Variants in CPEB2 observed in about 807,000 individuals in gnomAD.
The protein encoded by CPEB2 is cytoplasmic polyadenylation element binding protein 2, also known as cytoplasmic polyadenylation element-binding protein 2.
A neutral mutation model predicts 93.6 loss-of-function variants in CPEB2; 56 were observed. The observed-to-expected ratio is 0.60, with a 90% confidence interval of 0.48 to 0.75. The LOEUF (loss-of-function observed/expected upper bound fraction) is 0.75, where lower values mean the gene tolerates loss of function less well. Among genes scored for constraint, CPEB2 ranks in the 30% least tolerant of loss-of-function variants. CPEB2 has a pLI of 0.00. For missense variants in CPEB2, 1,579 were observed against 1,395.1 expected, an observed-to-expected ratio of 1.13 and a Z score of -2.10; for synonymous variants, 764 against 586.3, an observed-to-expected ratio of 1.30 and a Z score of -4.38.
chr4:15,032,097 A>T (rs910952254), intron 4 of CPEB2, among the ~76,000 whole-genome samples: 18 of 152,034 alleles, frequency 1.2e-4, no homozygotes, highest in South Asian at 2.1e-4. Context: ...AGTTAAAAAA[A>T]TTTTTTTTCA....
intron 10 of CPEB2, among the ~76,000 whole-genome samples, chr4:15,059,948 T>C (rs1020171353): frequency 6.6e-6 from 1 of 152,178 alleles, no homozygotes; most frequent in Non-Finnish European, 1.5e-5. Flanking sequence ...TAGAATATGA[T>C]GACTTCTACA....
intron 10 of CPEB2, among the ~76,000 whole-genome samples, chr4:15,061,244 T>A (rs1007790154): frequency 6.6e-6 from 1 of 152,020 alleles, no homozygotes; most frequent in Non-Finnish European, 1.5e-5. Flanking sequence ...TGATACAGGA[T>A]GAAGGTACCA....
intron 11 of CPEB2, 105 bp from the exon 12 acceptor site, chr4:15,066,048 C>A: frequency 1.0e-6 from 1 of 955,328 alleles, no homozygotes; most frequent in Non-Finnish European, 1.6e-6. Flanking sequence ...ATTTCCTCAG[C>A]TTTTAATGCT....
chr4:15,022,944 C>G (rs1724970070), intron 4 of CPEB2, among the ~76,000 whole-genome samples: 1 of 151,960 alleles, frequency 6.6e-6, no homozygotes, highest in Non-Finnish European at 1.5e-5. Context: ...TTCCTTTTTA[C>G]ATAGTTGCCT....
chr4:15,054,721 T>A (rs977647993), intron 8 of CPEB2, among the ~76,000 whole-genome samples: 1 of 152,112 alleles, frequency 6.6e-6, no homozygotes, highest in African/African-American at 2.4e-5. Flanking sequence ...GAATTACAAA[T>A]TGTGCTAACC....
chr4:15,058,626 A>G lies in CPEB2; in HGVS notation c.2580+87A>G, dbSNP rs116356542. ...ATGATTGTTAATTAATAAAAGAACA[A>G]TTAAACTACCATGTTGAGTTTTAGT... On this transcript the variant is annotated intron_variant, in intron 9 of 11. Transcript: ENST00000538197. 3.5e-3 allele frequency: 2,695 copies of G among 765,076 alleles called. 54 individuals carry two copies. In the African/African-American group the frequency reaches 0.042, roughly 12 times the overall value. The allele number at this position is 765,076 out of a possible 1,614,324, so 47.4% of individuals were successfully genotyped here.
At chr4:15,007,207 T>A in intron 1 of CPEB2, 98 bp from the exon 2 acceptor site, 1 of 1,012,258 alleles carries the variant, frequency 9.9e-7, no homozygotes, top group East Asian at 2.8e-5. Context: ...TGCCTTTATA[T>A]ATTTCATTCA....
chr4:15,019,628 C>G (rs1724595357), intron 4 of CPEB2, among the ~76,000 whole-genome samples: 1 of 151,916 alleles, frequency 6.6e-6, no homozygotes, highest in South Asian at 2.1e-4. Flanking sequence ...TGATTTTCCC[C>G]TAGAAAACAA....
Position 15,008,358 on chromosome 4 carries a change from GC to G in CPEB2, c.1967del (p.Pro656GlnfsTer21). The part of the protein sequence containing the change: ...PLQVRSSLQL[P>X]AWGSDSLQDS... Reference sequence around the variant, plus strand: ...TGAAGGTGAGATCTAGTTTGCAGTTGCCAGCTTGGGGCTCAGATTCACTCCA... The same window carrying G: ...TGAAGGTGAGATCTAGTTTGCAGTTGCAGCTTGGGGCTCAGATTCACTCCA... On this transcript the variant is annotated frameshift_variant, in exon 3 of 12. Coordinates refer to ENST00000538197, the MANE Select transcript of CPEB2 (RefSeq NM_001177382.2). LOFTEE classifies it high-confidence loss of function. 1 of 1,613,748 alleles carries G rather than the reference GC, an allele frequency of 6.2e-7. No homozygotes were observed. The highest frequency in any genetic ancestry group is 1.1e-5 in the South Asian group (1 of 91,062).
chr4:15,004,410 A>G (rs1162590063), intron 1 of CPEB2, 75 bp downstream of exon 1: 9 of 1,150,622 alleles, frequency 7.8e-6, no homozygotes, highest in Non-Finnish European at 1.0e-5. Context: ...GGGGCAGGGC[A>G]GCCGGGGACC....
intron 3 of CPEB2, among the ~76,000 whole-genome samples, chr4:15,013,440 T>A (rs1240563463): frequency 6.6e-6 from 1 of 152,040 alleles, no homozygotes; most frequent in Non-Finnish European, 1.5e-5. Flanking sequence ...TGATTTTCCA[T>A]ATTTATTAAT....
At position 15,019,795 on chromosome 4, in the gene CPEB2, A is replaced by T. The variant is rs1252771074; in HGVS notation, c.2125+2517A>T. ...ATATTAATGCTGAAAATATCTAGGA[A>T]AATGAACTTGAGTGAGGAGAGATAT... On this transcript the variant is annotated intron_variant, in intron 4 of 11. Coordinates refer to ENST00000538197, the MANE Select transcript of CPEB2 (RefSeq NM_001177382.2). Among the ~76,000 whole-genome samples the T allele has an allele frequency of 2.0e-5, 3 of 152,088 alleles. No homozygotes were observed. In the East Asian group the frequency reaches 5.8e-4, roughly 29 times the overall value.
Position 15,007,480 on chromosome 4 carries a change from C to T in CPEB2, c.1838C>T (p.Ala613Val). 3.7e-6 allele frequency: 6 copies of T among 1,614,066 alleles called. No individual in the cohort carries two copies. Among genetic ancestry groups the T allele is most frequent in the Non-Finnish European group, 8.5e-7 (1 of 1,179,978 alleles). Reference sequence around the variant, plus strand: ...AAACCGTTTTCTGGTAATGTCATAGCACCACCGAAATTTACTCGCTCAACT... The same window carrying T: ...AAACCGTTTTCTGGTAATGTCATAGTACCACCGAAATTTACTCGCTCAACT... ...LKKPFSGNVI[A>V]PPKFTRSTPS... is the part of the protein sequence containing the mutation. Residue 613 changes from alanine to valine, a missense_variant, in exon 2 of 12, where the codon GCA becomes GTA. Transcript: ENST00000538197.
In CPEB2 at chr4:15,007,340, G is replaced by A; in HGVS notation, c.1698G>A (p.Gln566=). 1 of 1,587,696 alleles carries A rather than the reference G, an allele frequency of 6.3e-7. No individual in the cohort carries two copies. Among genetic ancestry groups the A allele is most frequent in the Non-Finnish European group, 8.6e-7 (1 of 1,162,906 alleles). Residue 566 remains glutamine, a synonymous_variant, in exon 2 of 12, where the codon CAG becomes CAA. Coordinates refer to ENST00000538197, the MANE Select transcript of CPEB2 (RefSeq NM_001177382.2). ...LLKQSPWSNH[Q]SSGWGTGSMS... is the part of the protein sequence containing the mutation. ...AACAGTCTCCCTGGAGCAACCATCA[G>A]AGCAGTGGCTGGGGCACTGGAAGTA...
chr4:15,040,343 C>T, intron 5 of CPEB2, 121 bp from the exon 6 acceptor site: 1 of 857,556 alleles, frequency 1.2e-6, no homozygotes, highest in Non-Finnish European at 1.8e-6. Context: ...TGTCATTGCT[C>T]TTAAAACAAA....
intron 3 of CPEB2, among the ~76,000 whole-genome samples, chr4:15,016,507 T>C (rs1369842682): frequency 6.6e-6 from 1 of 151,954 alleles, no homozygotes; most frequent in East Asian, 1.9e-4. Context: ...TTACTGTGCT[T>C]TTACTCTTCT....
intron 3 of CPEB2, among the ~76,000 whole-genome samples, chr4:15,009,011 G>C (rs1290022042): frequency 1.3e-5 from 2 of 152,160 alleles, no homozygotes; most frequent in Admixed American, 1.3e-4. Context: ...CTGGGAGTTA[G>C]CCTTAATCAA....
rs1033507088 is a variant in CPEB2 at position 15,069,138 on chromosome 4, A to T, written c.*2758A>T. 3 of 152,230 alleles carry T rather than the reference A, an allele frequency of 2.0e-5. No individual in the cohort carries two copies. In the East Asian group the frequency reaches 5.8e-4, roughly 29 times the overall value. The allele number at this position is 152,230 out of a possible 1,614,324, so 9.4% of individuals were successfully genotyped here. A position where few individuals can be genotyped will look rare whatever the true frequency, so the allele number is the denominator to read the frequency against. ...ACTGTGGAGGAAAAAAAAATACTTT[A>T]AAAATCCACACTTTTTGTTAAGAAG... On this transcript the variant is annotated 3_prime_UTR_variant, in exon 12 of 12. Coordinates refer to ENST00000538197, the MANE Select transcript of CPEB2 (RefSeq NM_001177382.2).
rs747053768 is a variant in CPEB2, at chr4:15,017,245, G to A, written c.2092G>A (p.Asp698Asn). 9.4e-6 allele frequency: 15 copies of A among 1,600,142 alleles called. No individual in the cohort carries two copies. The highest frequency in any genetic ancestry group is 1.7e-5 in the Admixed American group (1 of 59,674). ...NMHSLENSLI[D>N]IMRAEHDPLK... ...GCACTCTTTGGAAAATTCCCTTATC[G>A]ATATTATGAGAGCAGAGCATGATCC... Residue 698 changes from aspartate (D) to asparagine (N), a missense_variant, in exon 4 of 12, where the codon GAT becomes AAT. Transcript: ENST00000538197.
Sources: allele counts gnomAD v4.1 joint callset (sites outside exome capture counted in the v4.1 genomes callset), GRCh38; gene constraint gnomAD v4.1.1; transcripts MANE v1.5; gene names NCBI Gene and HGNC (gene_info 2026-07-23, HGNC 2026-07-21).